Variants in QTRT2 observed in about 807,000 individuals in gnomAD.
QTRT2 encodes the protein queuine tRNA-ribosyltransferase domain containing 1.
Under a neutral mutation model 44.8 loss-of-function variants are expected in QTRT2, and 32 were observed. The ratio of observed to expected loss-of-function variants is 0.71; its 90% CI spans 0.54 to 0.96. The LOEUF is 0.96. Ranked by LOEUF, QTRT2 falls within the 40% of genes least tolerant of loss-of-function variation. The pLI, the probability that QTRT2 is intolerant of heterozygous loss-of-function variation, is 0.00. For missense variants in QTRT2, 461 were observed against 503.1 expected (o/e 0.92, Z 0.80); for synonymous variants, 182 against 187.4 (o/e 0.97, Z 0.24).
chr3:114,063,818 T>C (rs2076918126), intron 2 of QTRT2, among the ~76,000 whole-genome samples: 5 of 152,216 alleles, frequency 3.3e-5, no homozygotes, highest in Admixed American at 3.3e-4. Context: ...AAGTAATGTT[T>C]TTATTCTTGA....
chr3:114,077,174 T>C, intron 7 of QTRT2: 1 of 535,694 alleles, frequency 1.9e-6, no homozygotes, highest in East Asian at 3.2e-5. Flanking sequence ...ATTTGAATTA[T>C]GTTATTTGAT....
intron 4 of QTRT2, among the ~76,000 whole-genome samples, chr3:114,067,411 A>C (rs115021414): frequency 0.023 from 3,572 of 152,272 alleles, 150 homozygotes; most frequent in African/African-American, 0.081. Flanking sequence ...ATGGTTTACT[A>C]AACTTTTTTT....
At chr3:114,066,750 C>T (rs1039810697) in intron 4 of QTRT2, among the ~76,000 whole-genome samples, 6 of 152,138 alleles carry the variant, frequency 3.9e-5, no homozygotes, top group African/African-American at 1.4e-4. Context: ...AGTGGGAGCC[C>T]AGACAGGTGT....
At chr3:114,079,454 A>T (rs909344151) in intron 7 of QTRT2, 1 of 153,862 alleles carries the variant, frequency 6.5e-6, no homozygotes, top group African/African-American at 2.4e-5. Context: ...AGGCAGGAGA[A>T]TTACTCCCGG....
chr3:114,079,084 G>T (rs2107803006), intron 7 of QTRT2: 1 of 152,244 alleles, frequency 6.6e-6, no homozygotes. Context: ...AAATATTTCA[G>T]CAAGAAATAA....
At chr3:114,082,169 C>A (rs953165183) in intron 8 of QTRT2, among the ~76,000 whole-genome samples, 3 of 149,750 alleles carry the variant, frequency 2.0e-5, no homozygotes, top group African/African-American at 7.4e-5. Context: ...AGTATATTTG[C>A]ATGTACATTA....
chr3:114,073,867 A>G (rs927265956), intron 6 of QTRT2, among the ~76,000 whole-genome samples: 12 of 152,192 alleles, frequency 7.9e-5, no homozygotes, highest in African/African-American at 2.7e-4. Context: ...AGGCAGGCCT[A>G]TGTAACTCTC....
At chr3:114,060,301 A>G (rs1242220871) in intron 2 of QTRT2, among the ~76,000 whole-genome samples, 1 of 152,188 alleles carries the variant, frequency 6.6e-6, no homozygotes, top group African/African-American at 2.4e-5. Context: ...CTTGGAAGCC[A>G]ATGGTCTGGG....
rs140636975 is a variant in QTRT2, at chr3:114,070,064, G to A, written c.334-562G>A. ...AGTGAGTGATCGATTATGTCCAGGA[G>A]GTTTGGAGATCAGATTAATATGTGA... On this transcript the variant is annotated intron_variant, in intron 5 of 9. Coordinates refer to ENST00000281273, the MANE Select transcript of QTRT2 (RefSeq NM_024638.4). 9.5e-4 allele frequency among the ~76,000 whole-genome samples: 144 copies of A among 152,234 alleles called. 4 individuals are homozygous for A. In the East Asian group the frequency reaches 0.016, roughly 17 times the overall value.
At chr3:114,074,083 T>C (rs2077058826) in intron 6 of QTRT2, among the ~76,000 whole-genome samples, 1 of 152,178 alleles carries the variant, frequency 6.6e-6, no homozygotes, top group South Asian at 2.1e-4. Flanking sequence ...AGTCATCTGT[T>C]AGTCACATCT....
In QTRT2 at chr3:114,076,061, C is replaced by G. The variant is rs550825970; in HGVS notation, c.547-682C>G. Among the ~76,000 whole-genome samples, 42 of 152,292 alleles carry G rather than the reference C, an allele frequency of 2.8e-4. No individual in the cohort carries two copies. The South Asian group carries it at 5.8e-3, about 21-fold the overall frequency. On this transcript the variant is annotated intron_variant, in intron 6 of 9. Coordinates refer to ENST00000281273, the MANE Select transcript of QTRT2 (RefSeq NM_024638.4). The stretch of plus-strand genomic sequence containing the variant: ...TCTAAGTTCCTAAAGTTATCTCTAG[C>G]TAAGAGACTTGGAGGTAGTCTAAAG...
intron 7 of QTRT2, chr3:114,079,448 A>G (rs144033796): frequency 0.019 from 2,975 of 153,928 alleles, 68 homozygotes; most frequent in East Asian, 0.1. Context: ...AGGCTGAGGC[A>G]GGAGAATTAC....
rs760620909 is a variant in QTRT2 at position 114,085,903 on chromosome 3, G to T, written c.1247G>T (p.Ter416LeuextTer18). The T allele has an allele frequency of 8.7e-6, 14 of 1,610,016 alleles. No homozygotes were observed. The highest frequency in any genetic ancestry group is 1.6e-4 in the Middle Eastern group (1 of 6,082). Residue 416 changes from the stop codon to leucine (L), a stop_lost, in exon 10 of 10, where the codon TGA (stop) becomes TTA (leucine). Coordinates refer to ENST00000281273, the MANE Select transcript of QTRT2 (RefSeq NM_024638.4). Reference protein sequence around the residue: ...LKELIHRQAS* With the variant: ...LKELIHRQASL ...GAGCTCATCCACAGGCAAGCATCTT[G>T]AGATCTTGCAAATACAAGTCTCACT...
intron 4 of QTRT2, among the ~76,000 whole-genome samples, chr3:114,067,176 A>T (rs960100400): frequency 6.6e-6 from 1 of 152,188 alleles, no homozygotes; most frequent in Non-Finnish European, 1.5e-5. Flanking sequence ...ATGGAATATC[A>T]TTCTCCTTGA....
At chr3:114,068,583 G>A (rs1001780835) in intron 5 of QTRT2, among the ~76,000 whole-genome samples, 10 of 152,118 alleles carry the variant, frequency 6.6e-5, no homozygotes, top group African/African-American at 2.4e-4. Context: ...TATCCCTGAG[G>A]ACAGCATTCT....
At chr3:114,070,918 T>C in intron 6 of QTRT2, 80 bp downstream of exon 6, 2 of 1,056,720 alleles carry the variant, frequency 1.9e-6, no homozygotes, top group Admixed American at 3.9e-5. Flanking sequence ...TTTTCTGTTC[T>C]TCCTCCTACT....
At chr3:114,065,700 G>C (rs1458613644) in intron 3 of QTRT2, among the ~76,000 whole-genome samples, 1 of 152,104 alleles carries the variant, frequency 6.6e-6, no homozygotes, top group Non-Finnish European at 1.5e-5. Context: ...CTGCCATGTC[G>C]CCACTGCTCC....
intron 6 of QTRT2, among the ~76,000 whole-genome samples, chr3:114,071,815 G>C (rs1426131228): frequency 2.0e-5 from 3 of 152,054 alleles, no homozygotes; most frequent in Non-Finnish European, 4.4e-5. Context: ...TTTCAGCCCT[G>C]TTATCCAAAA....
rs755149179 is a variant in QTRT2, at chr3:114,076,960, A to G, written c.746+18A>G. 3.1e-6 allele frequency: 5 copies of G among 1,612,468 alleles called. No individual in the cohort carries two copies. The East Asian group carries it at 8.9e-5, about 29-fold the overall frequency. The stretch of plus-strand genomic sequence containing the variant: ...AAGCCAAGGCCAGTGTTCGGTTAGG[A>G]CACAGGCTGGCCTCAAGGGATGCAG... On this transcript the variant is annotated intron_variant, in intron 7 of 9. Transcript: ENST00000281273.
Sources: allele counts gnomAD v4.1 joint callset (sites outside exome capture counted in the v4.1 genomes callset), GRCh38; gene constraint gnomAD v4.1.1; transcripts MANE v1.5; gene names NCBI Gene and HGNC (gene_info 2026-07-23, HGNC 2026-07-21).